Variants in SSBP3 observed in about 807,000 individuals in gnomAD.
SSBP3 encodes the protein single-stranded DNA-binding protein 3.
In SSBP3, 5 loss-of-function variants were observed where a neutral mutation model predicts 69.6. That is an observed-to-expected ratio of 0.07 (90% CI 0.04 to 0.15). The LOEUF (loss-of-function observed/expected upper bound fraction) is 0.15. Ranked by LOEUF, SSBP3 falls within the 10% of genes least tolerant of loss-of-function variation. The probability of loss-of-function intolerance (pLI) is 1.00; values close to 1 mark genes in which losing one functional copy is unlikely to be tolerated. For missense variants in SSBP3, 312 were observed against 534.0 expected (o/e 0.58, Z 4.10); for synonymous variants, 196 against 193.4 (o/e 1.01, Z -0.11).
At chr1:54,323,629 TG>T (rs1380232432) in intron 4 of SSBP3, among the ~76,000 whole-genome samples, 1 of 152,078 alleles carries the variant, frequency 6.6e-6, no homozygotes, top group African/African-American at 2.4e-5. Context: ...AGCAGATGTG[TG>T]GGTGGATGCG....
At chr1:54,377,125 C>T (rs763339309) in intron 4 of SSBP3, among the ~76,000 whole-genome samples, 6 of 152,192 alleles carry the variant, frequency 3.9e-5, no homozygotes, top group South Asian at 2.1e-4. Context: ...AAAGACACTA[C>T]GGTTAAAGGC....
chr1:54,232,159 G>C (rs995780550), intron 14 of SSBP3, among the ~76,000 whole-genome samples: 22 of 152,172 alleles, frequency 1.4e-4, no homozygotes, highest in African/African-American at 5.1e-4. Context: ...GTTAACAGCG[G>C]CAATTAGTAG....
intron 4 of SSBP3, among the ~76,000 whole-genome samples, chr1:54,388,254 T>C (rs1289724544): frequency 1.3e-5 from 2 of 152,224 alleles, no homozygotes; most frequent in African/African-American, 4.8e-5. Flanking sequence ...AGTAGCAGCA[T>C]GGCTCAAAGG....
At chr1:54,287,480 T>G (rs1645512578) in intron 4 of SSBP3, 1 of 151,848 alleles carries the variant, frequency 6.6e-6, no homozygotes, top group Non-Finnish European at 1.5e-5. Flanking sequence ...GAAATGGAGG[T>G]CACTCAAGGG....
chr1:54,309,815 C>T (rs904303549), intron 4 of SSBP3, among the ~76,000 whole-genome samples: 1 of 152,218 alleles, frequency 6.6e-6, no homozygotes, highest in Non-Finnish European at 1.5e-5. Context: ...TGCAGGCACA[C>T]ACAAAGCGGG....
chr1:54,230,595 T>C (rs1342409065), intron 14 of SSBP3, among the ~76,000 whole-genome samples: 1 of 152,190 alleles, frequency 6.6e-6, no homozygotes, highest in African/African-American at 2.4e-5. Context: ...TTTACAGGGT[T>C]GTGCAACCAT....
At chr1:54,407,173 A>G (rs1043899911), upstream of SSBP3, among the ~76,000 whole-genome samples, 1 of 151,678 alleles carries the variant, frequency 6.6e-6, no homozygotes, top group African/African-American at 2.4e-5. Context: ...GGGGCTGGGG[A>G]CAGGGGACTT....
At chr1:54,395,986 T>C (rs979934510) in intron 4 of SSBP3, among the ~76,000 whole-genome samples, 2 of 150,882 alleles carry the variant, frequency 1.3e-5, no homozygotes, top group African/African-American at 4.9e-5. Flanking sequence ...ATGTCAGGAG[T>C]TCGAGACCAG....
exon 1 of SSBP3, chr1:54,406,032 A>G: frequency 7.6e-7 from 1 of 1,319,126 alleles, no homozygotes; most frequent in East Asian, 3.5e-5. Context: ...GAGGGCGCCG[A>G]GCCTCGCCGC....
chr1:54,371,421 G>A (rs1195168662), intron 4 of SSBP3, among the ~76,000 whole-genome samples: 2 of 152,212 alleles, frequency 1.3e-5, no homozygotes, highest in Non-Finnish European at 2.9e-5. Flanking sequence ...TGGCTCTGGG[G>A]AAGGCTTGGG....
At chr1:54,268,128 G>A (rs962593931) in intron 5 of SSBP3, among the ~76,000 whole-genome samples, 1 of 152,220 alleles carries the variant, frequency 6.6e-6, no homozygotes, top group African/African-American at 2.4e-5. Flanking sequence ...CTCTACTGGT[G>A]CAGGAGAGAC....
At chr1:54,368,147 CAA>C (rs1212407521) in intron 4 of SSBP3, among the ~76,000 whole-genome samples, 10 of 151,902 alleles carry the variant, frequency 6.6e-5, no homozygotes, top group Non-Finnish European at 1.2e-4. Context: ...ACTAAAAATA[CAA>C]AAGTTAGCCA....
At chr1:54,260,927 A>C (rs567146909) in intron 5 of SSBP3, among the ~76,000 whole-genome samples, 1 of 152,246 alleles carries the variant, frequency 6.6e-6, no homozygotes, top group South Asian at 2.1e-4. Context: ...CTCAGTGCCC[A>C]CCTCCTCAGG....
At chr1:54,261,406 A>C (rs1237956855) in intron 5 of SSBP3, among the ~76,000 whole-genome samples, 1 of 152,226 alleles carries the variant, frequency 6.6e-6, no homozygotes. Context: ...CCACTCGGGC[A>C]AAAGGCTACA....
chr1:54,306,514 C>T (rs1645904237), intron 4 of SSBP3, among the ~76,000 whole-genome samples: 1 of 152,218 alleles, frequency 6.6e-6, no homozygotes, highest in South Asian at 2.1e-4. Context: ...TCGGTCATCC[C>T]TTGGCTGAGT....
chr1:54,368,687 T>G (rs7545834), intron 4 of SSBP3, among the ~76,000 whole-genome samples: 27,715 of 152,132 alleles, frequency 0.18, 2,725 homozygotes, highest in East Asian at 0.28. Context: ...CTAAAGAAGC[T>G]GCTTCACTCT....
At chr1:54,308,324 G>A (rs1023083655) in intron 4 of SSBP3, among the ~76,000 whole-genome samples, 15 of 152,004 alleles carry the variant, frequency 9.9e-5, no homozygotes, top group South Asian at 2.1e-4. Context: ...GGGCGTGGCC[G>A]GGCACGGTGG....
intron 4 of SSBP3, among the ~76,000 whole-genome samples, chr1:54,395,008 T>TC (rs1160068696): frequency 6.8e-6 from 1 of 147,678 alleles, no homozygotes; most frequent in Admixed American, 7.2e-5. Flanking sequence ...CGGCTAAGAC[T>TC]CCTTTTTTTT....
chr1:54,282,317 T>C (rs1357077702), intron 4 of SSBP3, among the ~76,000 whole-genome samples: 1 of 152,112 alleles, frequency 6.6e-6, no homozygotes, highest in Non-Finnish European at 1.5e-5. Context: ...GATCAATAAA[T>C]ATCCATGACT....
Sources: allele counts gnomAD v4.1 joint callset (sites outside exome capture counted in the v4.1 genomes callset), GRCh38; gene constraint gnomAD v4.1.1; transcripts MANE v1.5; gene names NCBI Gene and HGNC (gene_info 2026-07-23, HGNC 2026-07-21).